Variants in CSMD1 observed in about 807,000 individuals in gnomAD.
CSMD1 encodes CUB and Sushi multiple domains 1, also known as CUB and sushi domain-containing protein 1.
CSMD1 carries 213 observed loss-of-function variants against 417.5 expected under a neutral mutation model. The ratio of observed to expected loss-of-function variants is 0.51; its 90% CI spans 0.46 to 0.57. CSMD1 has a LOEUF of 0.57. Among genes scored for constraint, CSMD1 ranks in the 20% least tolerant of loss-of-function variants. The pLI, the probability that CSMD1 is intolerant of heterozygous loss-of-function variation, is 0.00. For synonymous variants in CSMD1, 2,862 were observed against 1,736.8 expected (o/e 1.65, Z -16.11); for missense variants, 6,923 against 4,529.7 (o/e 1.53, Z -15.17).
chr8:3,660,648 G>A (rs1263793375), intron 7 of CSMD1, among the ~76,000 whole-genome samples: 1 of 151,598 alleles, frequency 6.6e-6, no homozygotes, highest in African/African-American at 2.4e-5. Flanking sequence ...AGCCTCCTGA[G>A]TAGCTGGGAT....
chr8:4,283,419 T>C (rs1409753604), intron 3 of CSMD1, among the ~76,000 whole-genome samples: 1 of 152,196 alleles, frequency 6.6e-6, no homozygotes, highest in African/African-American at 2.4e-5. Context: ...ACACATTCTT[T>C]TCATCTGGGT....
intron 7 of CSMD1, among the ~76,000 whole-genome samples, chr8:3,697,584 T>A (rs1218343809): frequency 1.3e-5 from 2 of 152,198 alleles, no homozygotes; most frequent in Non-Finnish European, 2.9e-5. Context: ...ATGATTTTAT[T>A]ACAAGAATAT....
intron 10 of CSMD1, among the ~76,000 whole-genome samples, chr8:3,568,481 C>T (rs1289490890): frequency 2.6e-5 from 4 of 152,056 alleles, no homozygotes; most frequent in Non-Finnish European, 5.9e-5. Context: ...TTTTTTAAAT[C>T]CTCAGAGTTT....
intron 1 of CSMD1, among the ~76,000 whole-genome samples, chr8:4,640,873 A>T (rs1803148492): frequency 1.3e-5 from 2 of 151,754 alleles, no homozygotes; most frequent in African/African-American, 2.4e-5. Context: ...AAAAAAAAAA[A>T]AAAAAAAGTC....
intron 1 of CSMD1, among the ~76,000 whole-genome samples, chr8:4,668,397 C>T (rs1015287942): frequency 6.7e-6 from 1 of 148,628 alleles, no homozygotes; most frequent in Non-Finnish European, 1.5e-5. Flanking sequence ...AGCACTCTAA[C>T]TTGCTTTTGA....
chr8:3,185,454 T>A (rs1336509325), intron 36 of CSMD1, among the ~76,000 whole-genome samples: 1 of 152,238 alleles, frequency 6.6e-6, no homozygotes, highest in East Asian at 1.9e-4. Flanking sequence ...TGCTTTCTGC[T>A]GGTAATGCCT....
In CSMD1 at chr8:3,210,841, A is replaced by G. The variant is rs541623691; in HGVS notation, c.4867+3656T>C. ...AAATTCAACTGTAATTGAATTTAATATAAATTAAATGCCTTTTGTATTATT... is the reference window on the plus strand; with the variant it reads ...AAATTCAACTGTAATTGAATTTAATGTAAATTAAATGCCTTTTGTATTATT... On this transcript the variant is annotated intron_variant, in intron 30 of 69. Coordinates refer to ENST00000635120, the MANE Select transcript of CSMD1 (RefSeq NM_033225.6). Among the ~76,000 whole-genome samples the G allele has an allele frequency of 7.2e-5, 11 of 152,156 alleles. No individual in the cohort carries two copies. The East Asian group carries it at 2.1e-3, about 29-fold the overall frequency.
intron 22 of CSMD1, among the ~76,000 whole-genome samples, chr8:3,346,655 C>G (rs543840033): frequency 6.6e-6 from 1 of 152,184 alleles, no homozygotes; most frequent in Non-Finnish European, 1.5e-5. Flanking sequence ...GACCTTTGCA[C>G]ATAACTTCTA....
intron 2 of CSMD1, among the ~76,000 whole-genome samples, chr8:4,595,387 C>CTTTTTTTTTTTTTTCTTTTTTTTTTT: frequency 8.1e-5 from 12 of 147,330 alleles, no homozygotes; most frequent in African/African-American, 3.0e-4. Context: ...CATTCATTTT[C>CTTTTTTTTTTTTTTCTTTTTTTTTTT]ATTCCATCCA....
At chr8:4,196,800 G>C (rs904184672) in intron 3 of CSMD1, among the ~76,000 whole-genome samples, 2 of 152,126 alleles carry the variant, frequency 1.3e-5, no homozygotes, top group South Asian at 2.1e-4. Context: ...CTATTCACAG[G>C]CTCCAGGGAT....
intron 48 of CSMD1, among the ~76,000 whole-genome samples, chr8:3,088,079 C>G (rs1814672163): frequency 1.3e-5 from 2 of 152,302 alleles, no homozygotes; most frequent in South Asian, 4.1e-4. Context: ...AATGCATTCT[C>G]TTGAGTCAAT....
chr8:4,707,495 G>C (rs1483454454), intron 1 of CSMD1, among the ~76,000 whole-genome samples: 3 of 152,162 alleles, frequency 2.0e-5, no homozygotes, highest in Non-Finnish European at 4.4e-5. Flanking sequence ...TTTAGGAAGG[G>C]AAATCAGCGT....
At chr8:4,488,973 G>A (rs774813040) in intron 2 of CSMD1, among the ~76,000 whole-genome samples, 3 of 152,140 alleles carry the variant, frequency 2.0e-5, no homozygotes, top group Admixed American at 1.3e-4. Context: ...GTGCAGTGGC[G>A]CGATCTTGGC....
intron 4 of CSMD1, among the ~76,000 whole-genome samples, chr8:4,023,463 G>C (rs1292008779): frequency 6.6e-6 from 1 of 152,098 alleles, no homozygotes; most frequent in African/African-American, 2.4e-5. Context: ...GGGTTGAGTA[G>C]CATTAGGGAT....
intron 5 of CSMD1, among the ~76,000 whole-genome samples, chr8:3,783,813 C>T (rs1056274699): frequency 1.3e-5 from 2 of 152,170 alleles, no homozygotes; most frequent in Admixed American, 1.3e-4. Context: ...TATTGTAGGA[C>T]AGCATTTTCC....
At chr8:3,495,170 G>T (rs1427678955) in intron 10 of CSMD1, among the ~76,000 whole-genome samples, 2 of 152,188 alleles carry the variant, frequency 1.3e-5, no homozygotes, top group Non-Finnish European at 2.9e-5. Flanking sequence ...TATAAATACT[G>T]CATGTTAAAC....
chr8:4,336,663 C>T (rs770503536), intron 3 of CSMD1, among the ~76,000 whole-genome samples: 2 of 152,142 alleles, frequency 1.3e-5, no homozygotes, highest in Admixed American at 6.6e-5. Context: ...ACAGCTTTCA[C>T]ATCTGTGACA....
intron 1 of CSMD1, among the ~76,000 whole-genome samples, chr8:4,727,444 A>T (rs1412786218): frequency 2.0e-5 from 3 of 152,208 alleles, no homozygotes; most frequent in South Asian, 4.1e-4. Flanking sequence ...TATGCGTAAG[A>T]TAGTTCTAAA....
chr8:3,278,046 A>C (rs1324476062), intron 26 of CSMD1, among the ~76,000 whole-genome samples: 2 of 152,204 alleles, frequency 1.3e-5, no homozygotes, highest in Non-Finnish European at 2.9e-5. Flanking sequence ...GGGAGACCCA[A>C]GGACAAGCCC....
Sources: allele counts gnomAD v4.1 joint callset (sites outside exome capture counted in the v4.1 genomes callset), GRCh38; gene constraint gnomAD v4.1.1; transcripts MANE v1.5; gene names NCBI Gene and HGNC (gene_info 2026-07-23, HGNC 2026-07-21).